Variants in MAP3K7CL observed in about 807,000 individuals in gnomAD.
MAP3K7CL encodes the protein MAP3K7 C-terminal like.
MAP3K7CL carries 16 observed loss-of-function variants against 18.6 expected under a neutral mutation model. That is an observed-to-expected ratio of 0.86 (90% CI 0.58 to 1.31). MAP3K7CL has a LOEUF of 1.31. MAP3K7CL is among the 50% of genes most tolerant of loss of function. The pLI, the probability that MAP3K7CL is intolerant of heterozygous loss-of-function variation, is 0.00. For missense variants in MAP3K7CL, 163 were observed against 174.4 expected, an observed-to-expected ratio of 0.93 and a Z score of 0.37; for synonymous variants, 65 against 66.8, an observed-to-expected ratio of 0.97 and a Z score of 0.13.
chr21:29,141,868 T>C (rs1026487088), intron 2 of MAP3K7CL, among the ~76,000 whole-genome samples: 1 of 152,214 alleles, frequency 6.6e-6, no homozygotes, highest in Admixed American at 6.5e-5. Context: ...TGTTATACTC[T>C]AACAAGGACT....
At chr21:29,148,618 A>G (rs1183442041) in intron 2 of MAP3K7CL, among the ~76,000 whole-genome samples, 4 of 152,118 alleles carry the variant, frequency 2.6e-5, no homozygotes, top group Admixed American at 1.3e-4. Flanking sequence ...GCAGGGTAGG[A>G]GTGCTGCCTG....
chr21:29,119,174 C>T (rs996619864), intron 4 of MAP3K7CL, among the ~76,000 whole-genome samples: 1 of 152,204 alleles, frequency 6.6e-6, no homozygotes, highest in Non-Finnish European at 1.5e-5. Flanking sequence ...GTTAGATCAA[C>T]ATTCAGTACT....
chr21:29,088,730 G>A (rs2085968829), intron 1 of MAP3K7CL, among the ~76,000 whole-genome samples: 1 of 152,086 alleles, frequency 6.6e-6, no homozygotes, highest in African/African-American at 2.4e-5. Context: ...GTGTGCATGT[G>A]TGTGTGTTGA....
intron 4 of MAP3K7CL, among the ~76,000 whole-genome samples, chr21:29,099,999 C>G (rs1280276100): frequency 6.7e-6 from 1 of 149,040 alleles, no homozygotes; most frequent in Non-Finnish European, 1.5e-5. Context: ...AGGAGAATGG[C>G]GTGAACCTGG....
At chr21:29,092,724 G>A (rs2086051310) in intron 4 of MAP3K7CL, 1 of 833,060 alleles carries the variant, frequency 1.2e-6, no homozygotes, top group South Asian at 1.8e-5. Context: ...ACGACGTGCT[G>A]GGTGTTCTTC....
At position 29,080,508 on chromosome 21, in the gene MAP3K7CL, G is replaced by C. The variant is rs545337399; in HGVS notation, c.-49+2795G>C. On this transcript the variant is annotated intron_variant, in intron 1 of 7. Coordinates refer to the MAP3K7CL transcript ENST00000341618. ...AATGTGATGAGATGATGCATTTTTG[G>C]CACCTCTTTGCCAAAGATAACACCT... 4 of 152,216 alleles carry C rather than the reference G, an allele frequency of 2.6e-5. No individual in the cohort carries two copies. The East Asian group carries it at 7.7e-4, about 29-fold the overall frequency. 9.4% of individuals were successfully genotyped at this position (152,216 alleles called of 1,614,324 possible). A position where few individuals can be genotyped will look rare whatever the true frequency, so the allele number is the denominator to read the frequency against.
upstream of MAP3K7CL, among the ~76,000 whole-genome samples, chr21:29,082,552 G>T (rs2085852956): frequency 6.6e-6 from 1 of 152,156 alleles, no homozygotes; most frequent in Admixed American, 6.5e-5. Context: ...GCCTCTAGTA[G>T]GTTACCTGGG....
Position 29,130,908 on chromosome 21 carries a change from C to A in MAP3K7CL, c.-55C>A, listed in dbSNP as rs1320497920. 3.0e-6 allele frequency: 3 copies of A among 985,428 alleles called. No homozygotes were observed. The African/African-American group carries it at 5.2e-5, about 17-fold the overall frequency. 61.0% of individuals were successfully genotyped at this position (985,428 alleles called of 1,614,324 possible). A position where few individuals can be genotyped will look rare whatever the true frequency, so the allele number is the denominator to read the frequency against. On this transcript the variant is annotated 5_prime_UTR_variant, in exon 1 of 5. Coordinates refer to ENST00000399928, the MANE Select transcript of MAP3K7CL (RefSeq NM_001286620.2). The stretch of plus-strand genomic sequence containing the variant: ...TGGCTCTGGGTTACACAAGTGCAGA[C>A]ACTCAACTAAGTGAGGTAAGCCAAC...
intron 4 of MAP3K7CL, among the ~76,000 whole-genome samples, chr21:29,168,421 A>C (rs570763601): frequency 7.2e-5 from 11 of 152,326 alleles, no homozygotes; most frequent in African/African-American, 2.6e-4. Context: ...TGAGTAGAAG[A>C]GCAAAGGCCT....
chr21:29,092,603 TG>T, intron 4 of MAP3K7CL: 1 of 1,611,200 alleles, frequency 6.2e-7, no homozygotes, highest in African/African-American at 1.3e-5. Context: ...GTCCACTTTC[TG>T]GAAGTCTCAG....
chr21:29,174,691 C>T (rs375606919), intron 4 of MAP3K7CL, 21 bp from the exon 5 acceptor site: 1 of 1,612,964 alleles, frequency 6.2e-7, no homozygotes, highest in Middle Eastern at 1.7e-4. Flanking sequence ...CTTCTTCCTG[C>T]CCTTTACCCC....
chr21:29,150,535 G>A (rs566039580), intron 3 of MAP3K7CL, among the ~76,000 whole-genome samples: 4 of 152,202 alleles, frequency 2.6e-5, no homozygotes, highest in East Asian at 3.9e-4. Context: ...ATAGGAGGTC[G>A]GAGGGTTACA....
intron 4 of MAP3K7CL, among the ~76,000 whole-genome samples, chr21:29,114,266 G>T (rs551583012): frequency 6.6e-6 from 1 of 152,092 alleles, no homozygotes; most frequent in Non-Finnish European, 1.5e-5. Context: ...GCAGGGTTTC[G>T]CCATGTTGAC....
At chr21:29,120,228 G>C (rs2086569718) in intron 4 of MAP3K7CL, among the ~76,000 whole-genome samples, 1 of 149,018 alleles carries the variant, frequency 6.7e-6, no homozygotes, top group African/African-American at 2.5e-5. Flanking sequence ...TGGTATCTTT[G>C]TGTCTTTGTA....
At chr21:29,087,593 T>C (rs946696521) in intron 1 of MAP3K7CL, among the ~76,000 whole-genome samples, 5 of 140,916 alleles carry the variant, frequency 3.5e-5, no homozygotes, top group South Asian at 2.2e-4. Flanking sequence ...CTTTTTCTTT[T>C]TTTTTTTTTT....
At chr21:29,109,583 C>T in intron 4 of MAP3K7CL, 2 of 1,011,352 alleles carry the variant, frequency 2.0e-6, no homozygotes, top group African/African-American at 1.7e-5. Context: ...ATAAACTGCA[C>T]ATTTAATGTA....
chr21:29,089,292 C>T (rs2085981563), intron 1 of MAP3K7CL, among the ~76,000 whole-genome samples: 1 of 151,808 alleles, frequency 6.6e-6, no homozygotes, highest in Non-Finnish European at 1.5e-5. Flanking sequence ...CTCACACCAC[C>T]TGCAGAAAGA....
At chr21:29,109,816 A>G in intron 4 of MAP3K7CL, 2 of 981,784 alleles carry the variant, frequency 2.0e-6, no homozygotes, top group Non-Finnish European at 2.4e-6. Flanking sequence ...GCTGCTTCTT[A>G]TATATATACA....
At position 29,109,027 on chromosome 21, in the gene MAP3K7CL, T is replaced by C; in HGVS notation, c.370+16446T>C. On this transcript the variant is annotated intron_variant, in intron 4 of 6. Coordinates refer to the MAP3K7CL transcript ENST00000286791. ...ATAATTTTCTAGAATCAGAAAATTC[T>C]ACTTCCTACTAGGTTGACATTCGTA... 12 of 1,515,174 alleles carry C rather than the reference T, an allele frequency of 7.9e-6. No homozygotes were observed. In the South Asian group the frequency reaches 1.2e-4, roughly 15 times the overall value. The allele number at this position is 1,515,174 out of a possible 1,614,324, so 93.9% of individuals were successfully genotyped here.
Sources: gnomAD v4.1 joint callset for allele counts (sites outside exome capture counted in the v4.1 genomes callset) on GRCh38, gnomAD v4.1.1 for gene constraint, MANE v1.5 for transcripts, NCBI Gene and HGNC (gene_info 2026-07-23, HGNC 2026-07-21) for gene names.